The following DMC1 variants were observed in gnomAD, a reference collection of about 807,000 sequenced individuals.
The protein encoded by DMC1 is DNA meiotic recombinase 1.
DMC1 carries 27 observed loss-of-function variants against 50.1 expected under a neutral mutation model. That is an observed-to-expected ratio of 0.54 (90% CI 0.40 to 0.74). The LOEUF is 0.74. DMC1 is among the 30% of genes least tolerant of loss of function. DMC1 has a pLI of 0.00. For synonymous variants in DMC1, 148 were observed against 136.1 expected (o/e 1.09, Z -0.61); for missense variants, 295 against 420.2 (o/e 0.70, Z 2.60).
chr22:38,532,527 G>A (rs1233917202), intron 12 of DMC1, among the ~76,000 whole-genome samples: 2 of 151,658 alleles, frequency 1.3e-5, no homozygotes, highest in African/African-American at 4.8e-5. Flanking sequence ...TCACCATGTT[G>A]GCCAGCCTGG....
At chr22:38,566,773 A>G (rs763164653) in intron 3 of DMC1, 37 bp from the exon 4 acceptor site, 14 of 1,606,192 alleles carry the variant, frequency 8.7e-6, no homozygotes, top group Non-Finnish European at 1.2e-5. Flanking sequence ...GACTGATAAG[A>G]TGCCAGCCTG....
downstream of DMC1, chr22:38,518,827 C>A (rs1438980399): frequency 1.3e-5 from 2 of 152,284 alleles, no homozygotes; most frequent in African/African-American, 4.8e-5. Context: ...GCCACCACGC[C>A]CAGCCCTGGA....
intron 6 of DMC1, among the ~76,000 whole-genome samples, chr22:38,554,013 T>A (rs1350680615): frequency 2.1e-5 from 3 of 141,620 alleles, no homozygotes; most frequent in South Asian, 2.4e-4. Flanking sequence ...TTGCCTGTAA[T>A]CCCAGCTACA....
intron 5 of DMC1, among the ~76,000 whole-genome samples, chr22:38,556,323 G>T (rs1362619099): frequency 6.6e-6 from 1 of 151,932 alleles, no homozygotes; most frequent in Non-Finnish European, 1.5e-5. Flanking sequence ...AAACTCCTGA[G>T]GCTCAAGAGA....
At chr22:38,551,186 T>G (rs2145934414) in intron 7 of DMC1, among the ~76,000 whole-genome samples, 1 of 151,564 alleles carries the variant, frequency 6.6e-6, no homozygotes, top group East Asian at 2.0e-4. Flanking sequence ...AGGCGGAGGT[T>G]GCAGTGAGCT....
intron 1 of DMC1, 107 bp from the exon 2 acceptor site, chr22:38,568,396 C>G: frequency 2.4e-6 from 2 of 825,154 alleles, no homozygotes; most frequent in Non-Finnish European, 4.0e-6. Flanking sequence ...AAGCATTTAG[C>G]TTGGAAAGAT....
At chr22:38,556,736 T>C (rs1158206619) in intron 5 of DMC1, among the ~76,000 whole-genome samples, 1 of 152,184 alleles carries the variant, frequency 6.6e-6, no homozygotes, top group African/African-American at 2.4e-5. Flanking sequence ...ACCTTGTATG[T>C]AGTCTATTAA....
At chr22:38,566,490 G>A in intron 4 of DMC1, 100 bp downstream of exon 4, 1 of 1,315,948 alleles carries the variant, frequency 7.6e-7, no homozygotes. Flanking sequence ...TGATCTACAG[G>A]AACTCAGTTC....
chr22:38,536,002 C>T (rs545774377), intron 12 of DMC1, among the ~76,000 whole-genome samples: 1 of 151,260 alleles, frequency 6.6e-6, no homozygotes, highest in Admixed American at 6.6e-5. Flanking sequence ...GGGAGGATCG[C>T]TTGAGGCCAG....
At chr22:38,562,203 A>T in intron 5 of DMC1, 84 bp downstream of exon 5, 1 of 901,080 alleles carries the variant, frequency 1.1e-6, no homozygotes, top group South Asian at 1.4e-5. Context: ...TCTACTACTT[A>T]TAGTAGAAGT....
At chr22:38,510,002 G>A in the DMC1 span, among the ~76,000 whole-genome samples, 6 of 152,158 alleles carry the variant, frequency 3.9e-5, no homozygotes, top group Non-Finnish European at 7.4e-5. Context: ...TAAATAGGCC[G>A]GGCCTAATAG....
intron 12 of DMC1, among the ~76,000 whole-genome samples, chr22:38,528,394 C>T (rs2090119002): frequency 6.6e-6 from 1 of 152,002 alleles, no homozygotes; most frequent in Non-Finnish European, 1.5e-5. Flanking sequence ...TACAAGGCTC[C>T]TATGTGCCAG....
At chr22:38,567,374 G>A (rs982278341) in intron 3 of DMC1, among the ~76,000 whole-genome samples, 1 of 152,162 alleles carries the variant, frequency 6.6e-6, no homozygotes, top group Admixed American at 6.5e-5. Flanking sequence ...GGATACACTT[G>A]ACAATGTCTG....
In DMC1 at chr22:38,536,293, T is replaced by C. The variant is rs575972345; in HGVS notation, c.836+1299A>G. Among the ~76,000 whole-genome samples the C allele has an allele frequency of 6.6e-5, 10 of 152,190 alleles. No homozygotes were observed. The South Asian group carries it at 1.5e-3, about 22-fold the overall frequency. ...ATTTGTTTTGCTTTGTTTGAGACAG[T>C]CTTGCTCTGTCTCCCAGGCTGGAGT... On this transcript the variant is annotated intron_variant, in intron 12 of 13. Coordinates refer to ENST00000216024, the MANE Select transcript of DMC1 (RefSeq NM_007068.4).
At chr22:38,556,646 T>C (rs538147203) in intron 5 of DMC1, among the ~76,000 whole-genome samples, 1 of 152,214 alleles carries the variant, frequency 6.6e-6, no homozygotes, top group Non-Finnish European at 1.5e-5. Context: ...TAAATTTAAG[T>C]CATGATCTCA....
intron 4 of DMC1, among the ~76,000 whole-genome samples, chr22:38,566,126 T>A (rs1273847438): frequency 6.6e-6 from 1 of 151,894 alleles, no homozygotes; most frequent in Non-Finnish European, 1.5e-5. Context: ...AATACAAAAT[T>A]AGCTGGGCGT....
At chr22:38,516,578 C>A (rs1312440021), downstream of DMC1, among the ~76,000 whole-genome samples, 1 of 152,086 alleles carries the variant, frequency 6.6e-6, no homozygotes, top group Non-Finnish European at 1.5e-5. Context: ...TTAAATTGTA[C>A]ATTTATAGGA....
chr22:38,519,805 A>G lies in DMC1; in HGVS notation c.*215T>C, dbSNP rs566878936. On this transcript the variant is annotated 3_prime_UTR_variant, in exon 14 of 14. Coordinates refer to ENST00000216024, the MANE Select transcript of DMC1 (RefSeq NM_007068.4). ...ACACACACAAACACACACACACACA[A>G]ACATACATATACATATCCCTGAATT... 9.8e-6 allele frequency: 5 copies of G among 508,708 alleles called. No individual in the cohort carries two copies. The highest frequency in any genetic ancestry group is 1.9e-5 in the African/African-American group (1 of 51,346). 31.5% of individuals were successfully genotyped at this position (508,708 alleles called of 1,614,324 possible).
At chr22:38,539,075 G>A (rs921354358) in intron 9 of DMC1, among the ~76,000 whole-genome samples, 6 of 151,838 alleles carry the variant, frequency 4.0e-5, no homozygotes, top group Admixed American at 3.3e-4. Context: ...GCCTTAGCAT[G>A]TATACCAAAT....
Sources: allele counts gnomAD v4.1 joint callset (sites outside exome capture counted in the v4.1 genomes callset), GRCh38; gene constraint gnomAD v4.1.1; transcripts MANE v1.5; gene names NCBI Gene and HGNC (gene_info 2026-07-23, HGNC 2026-07-21).